PGBD2: variants seen among roughly 807,000 people sequenced by gnomAD.
PGBD2 encodes the protein piggyBac transposable element-derived protein 2.
Under a neutral mutation model 8.1 loss-of-function variants are expected in PGBD2, and 6 were observed. The observed-to-expected ratio is 0.74, with a 90% CI of 0.40 to 1.46. The LOEUF (loss-of-function observed/expected upper bound fraction) is 1.46, where lower values mean the gene tolerates loss of function less well. Among genes scored for constraint, PGBD2 ranks in the 40% most tolerant of loss-of-function variants. PGBD2 has a pLI of 0.02. For missense variants in PGBD2, 802 were observed against 739.0 expected (o/e 1.09, Z -0.99); for synonymous variants, 318 against 272.2 (o/e 1.17, Z -1.66).
rs1364917281 is a variant in PGBD2, at chr1:248,917,366, C to T, written c.782C>T (p.Pro261Leu). ...AACTGCAATTTCCAGAAGCATGCAC[C>T]CTTGGAAGAGTTCTACAGCTTTGGC... ...RMNCNFQKHA[P>L]LEEFYSFGES... Residue 261 changes from proline to leucine, a missense_variant, in exon 3 of 3, where the codon CCC becomes CTC. Transcript: ENST00000329291. The T allele has an allele frequency of 6.2e-7, 1 of 1,614,108 alleles. No homozygotes were observed.
At chr1:248,876,188 A>T in the PGBD2 span, among the ~76,000 whole-genome samples, 1 of 152,144 alleles carries the variant, frequency 6.6e-6, no homozygotes, top group South Asian at 2.1e-4. Flanking sequence ...TTGTATTTTT[A>T]GTAGAGACAG....
intron 1 of PGBD2, among the ~76,000 whole-genome samples, chr1:248,907,352 T>C (rs1019684080): frequency 1.3e-5 from 2 of 152,216 alleles, no homozygotes; most frequent in African/African-American, 4.8e-5. Flanking sequence ...ATCTCAGAAT[T>C]GAACAAATGT....
At chr1:248,921,544 A>G (rs1572284758), downstream of PGBD2, among the ~76,000 whole-genome samples, 1 of 152,262 alleles carries the variant, frequency 6.6e-6, no homozygotes, top group Non-Finnish European at 1.5e-5. Context: ...GTAGCCTTGT[A>G]GTAGAGTTTG....
At chr1:248,892,017 T>G in the PGBD2 span, among the ~76,000 whole-genome samples, 2 of 152,036 alleles carry the variant, frequency 1.3e-5, no homozygotes, top group African/African-American at 4.8e-5. Context: ...ACCAAAAGGA[T>G]CAGAATCTAG....
downstream of PGBD2, among the ~76,000 whole-genome samples, chr1:248,924,290 T>C (rs1402606216): frequency 6.6e-6 from 1 of 152,240 alleles, no homozygotes; most frequent in Non-Finnish European, 1.5e-5. Context: ...GACTGCTGGC[T>C]TCCAGCACGT....
At chr1:248,907,854 C>T (rs1042442654) in intron 1 of PGBD2, among the ~76,000 whole-genome samples, 9 of 152,176 alleles carry the variant, frequency 5.9e-5, no homozygotes, top group African/African-American at 1.7e-4. Flanking sequence ...TTTCTTATGT[C>T]TTCCCTTTCT....
At chr1:248,875,308 C>CAAAAAAAAAAAA in the PGBD2 span, among the ~76,000 whole-genome samples, 175 of 110,238 alleles carry the variant, frequency 1.6e-3, 4 homozygotes, top group Non-Finnish European at 2.1e-3. Flanking sequence ...AAAAACAAAA[C>CAAAAAAAAAAAA]AAAAAAAAAA....
chr1:248,928,201 A>G, the PGBD2 span, among the ~76,000 whole-genome samples: 3 of 152,200 alleles, frequency 2.0e-5, no homozygotes, highest in African/African-American at 7.2e-5. Context: ...ATTAAAATGC[A>G]ACATGTCTGA....
At chr1:248,874,416 C>T in the PGBD2 span, among the ~76,000 whole-genome samples, 1 of 152,182 alleles carries the variant, frequency 6.6e-6, no homozygotes, top group Non-Finnish European at 1.5e-5. Context: ...CAAAACGCAC[C>T]TGGTGTCCTC....
chr1:248,888,615 T>C, the PGBD2 span, among the ~76,000 whole-genome samples: 3 of 152,202 alleles, frequency 2.0e-5, no homozygotes, highest in African/African-American at 4.8e-5. Context: ...TTTGTTTCAG[T>C]TCCTTATAGA....
downstream of PGBD2, among the ~76,000 whole-genome samples, chr1:248,921,772 G>C (rs1662291818): frequency 6.6e-6 from 1 of 152,162 alleles, no homozygotes; most frequent in Admixed American, 6.5e-5. Flanking sequence ...CATGAGCATG[G>C]AATGTTTTTC....
chr1:248,904,901 G>T (rs1337553535), upstream of PGBD2, among the ~76,000 whole-genome samples: 1 of 152,104 alleles, frequency 6.6e-6, no homozygotes, highest in Non-Finnish European at 1.5e-5. Flanking sequence ...TTCTCCCACT[G>T]AAATGACAAG....
At chr1:248,929,719 C>G in the PGBD2 span, among the ~76,000 whole-genome samples, 1 of 152,168 alleles carries the variant, frequency 6.6e-6, no homozygotes, top group East Asian at 1.9e-4. Flanking sequence ...CACTTAATAA[C>G]CTGCAAATCA....
At chr1:248,923,874 A>G (rs1662334224), downstream of PGBD2, among the ~76,000 whole-genome samples, 1 of 152,224 alleles carries the variant, frequency 6.6e-6, no homozygotes, top group South Asian at 2.1e-4. Context: ...ACCTCACTCC[A>G]GAGAGAGGAG....
chr1:248,921,305 G>A (rs1167076419), downstream of PGBD2, among the ~76,000 whole-genome samples: 2 of 152,116 alleles, frequency 1.3e-5, no homozygotes, highest in African/African-American at 4.8e-5. Context: ...TCCATCTTGA[G>A]TTGATTTTTG....
the PGBD2 span, among the ~76,000 whole-genome samples, chr1:248,886,413 G>A: frequency 6.6e-6 from 1 of 152,180 alleles, no homozygotes; most frequent in Non-Finnish European, 1.5e-5. Flanking sequence ...TTTAGTACAA[G>A]AGATTAATTA....
At chr1:248,911,869 C>T (rs1661903921) in intron 1 of PGBD2, among the ~76,000 whole-genome samples, 1 of 151,806 alleles carries the variant, frequency 6.6e-6, no homozygotes, top group South Asian at 2.1e-4. Flanking sequence ...CTGGGTGCAG[C>T]AGGGAGACAG....
the PGBD2 span, among the ~76,000 whole-genome samples, chr1:248,874,858 T>TTC: frequency 9.3e-5 from 14 of 150,170 alleles, no homozygotes; most frequent in South Asian, 4.2e-4. Flanking sequence ...TTTTGTCACA[T>TTC]TCTCTCTCTC....
the PGBD2 span, among the ~76,000 whole-genome samples, chr1:248,889,182 C>T: frequency 6.6e-5 from 10 of 152,074 alleles, no homozygotes. Flanking sequence ...GTCAGGAGTT[C>T]GAGACCAGCC....
Sources: gnomAD v4.1 joint callset for allele counts (sites outside exome capture counted in the v4.1 genomes callset) on GRCh38, gnomAD v4.1.1 for gene constraint, MANE v1.5 for transcripts, NCBI Gene and HGNC (gene_info 2026-07-23, HGNC 2026-07-21) for gene names.